The following AFP variants were observed in gnomAD, a reference collection of about 807,000 sequenced individuals.
The protein encoded by AFP is alpha-fetoprotein.
AFP carries 64 observed loss-of-function variants against 78.9 expected under a neutral mutation model. That is an observed-to-expected ratio of 0.81 (90% CI 0.66 to 1.00). The LOEUF is 1.00. Ranked by LOEUF, AFP falls within the 50% of genes least tolerant of loss-of-function variation. The probability of loss-of-function intolerance (pLI) is 0.00; values close to 1 mark genes in which losing one functional copy is unlikely to be tolerated. For missense variants in AFP, 689 were observed against 703.8 expected, an observed-to-expected ratio of 0.98 and a Z score of 0.24; for synonymous variants, 254 against 243.8, an observed-to-expected ratio of 1.04 and a Z score of -0.39.
At chr4:73,439,867 A>G (rs1410904435) in intron 3 of AFP, among the ~76,000 whole-genome samples, 1 of 151,946 alleles carries the variant, frequency 6.6e-6, no homozygotes, top group African/African-American at 2.4e-5. Context: ...GCAGTTTTTT[A>G]TTGTCTTGTA....
intron 13 of AFP, among the ~76,000 whole-genome samples, chr4:73,455,005 A>G (rs1720115051): frequency 6.6e-6 from 1 of 152,190 alleles, no homozygotes; most frequent in African/African-American, 2.4e-5. Context: ...AAAGATTGAG[A>G]ATACGCATTG....
At position 73,449,335 on chromosome 4, in the gene AFP, T is replaced by C. The variant is rs778640868; in HGVS notation, c.1059T>C (p.Ser353=). Reference sequence around the variant, plus strand: ...AAATATTTTTCTCCACATATTTCAGTTTTGTTCATGAATATTCAAGAAGAC... The same window carrying C: ...AAATATTTTTCTCCACATATTTCAGCTTTGTTCATGAATATTCAAGAAGAC... ...SSGEKNIFLA[S]FVHEYSRRHP... The change falls in exon 9 of 15, where the codon AGT becomes AGC. Residue 353 remains serine, a splice_region_variant and synonymous_variant. Transcript: ENST00000395792. The C allele has an allele frequency of 3.1e-6, 5 of 1,612,702 alleles. No homozygotes were observed. Among genetic ancestry groups the C allele is most frequent in the Non-Finnish European group, 3.4e-6 (4 of 1,179,192 alleles).
At chr4:73,445,403 T>C (rs1468734995) in intron 7 of AFP, among the ~76,000 whole-genome samples, 1 of 152,228 alleles carries the variant, frequency 6.6e-6, no homozygotes, top group Non-Finnish European at 1.5e-5. Flanking sequence ...CCATAGTTAC[T>C]TGGAGGACGG....
At chr4:73,436,416 A>G in intron 1 of AFP, 69 bp downstream of exon 1, 1 of 909,536 alleles carries the variant, frequency 1.1e-6, no homozygotes, top group Non-Finnish European at 1.7e-6. Context: ...AATTTGCATT[A>G]ATTTGTCTTG....
chr4:73,447,320 T>C (rs527414717), intron 7 of AFP, 142 bp from the exon 8 acceptor site: 2 of 489,644 alleles, frequency 4.1e-6, no homozygotes, highest in Admixed American at 3.6e-5. Flanking sequence ...CCCTTTCCCC[T>C]TCCTTCTTTC....
rs202199587 is a variant in AFP, at chr4:73,436,347, G to C, written c.85G>C (p.Ala29Pro). The change falls in exon 1 of 15, where the codon GCT becomes CCT. Residue 29 changes from alanine to proline, a missense_variant and splice_region_variant. Ala to Pro is a conservative substitution (Grantham distance 27, BLOSUM62 -1). Transcript: ENST00000395792. ...ACTGCATAGAAATGAATATGGAATA[G>C]GTGAGATATTTTGTGTTTTTCTTGT... ...RTLHRNEYGI[A>P]SILDSYQCTA... 2.0e-5 allele frequency: 31 copies of C among 1,553,254 alleles called. No individual in the cohort carries two copies. The highest frequency in any genetic ancestry group is 2.6e-5 in the Non-Finnish European group (30 of 1,137,890).
intron 10 of AFP, chr4:73,450,404 T>C (rs1234732442): frequency 1.4e-6 from 1 of 705,534 alleles, no homozygotes; most frequent in African/African-American, 1.8e-5. Context: ...GAGTTTGCTT[T>C]TTCATTGTGA....
At chr4:73,454,944 T>TA (rs1487553492) in intron 13 of AFP, among the ~76,000 whole-genome samples, 2 of 152,198 alleles carry the variant, frequency 1.3e-5, no homozygotes, top group East Asian at 3.8e-4. Context: ...AGCAGTGCTT[T>TA]ATCTGCAAAC....
chr4:73,437,179 C>T lies in AFP; in HGVS notation c.105C>T (p.Tyr35=), dbSNP rs753626670. ...EYGIASILDS[Y]QCTAEISLAD... is the part of the protein sequence containing the mutation. ...TTCCAGCTTCCATATTGGATTCTTA[C>T]CAATGTACTGCAGAGATAAGTTTAG... The change falls in exon 2 of 15, where the codon TAC becomes TAT. Residue 35 remains tyrosine, a synonymous_variant. Transcript: ENST00000395792. 6.2e-7 allele frequency: 1 copy of T among 1,611,384 alleles called. No individual in the cohort carries two copies. The highest frequency in any genetic ancestry group is 1.1e-5 in the South Asian group (1 of 90,994).
chr4:73,442,215 A>G, intron 4 of AFP, 81 bp from the exon 5 acceptor site: 1 of 1,336,968 alleles, frequency 7.5e-7, no homozygotes, highest in South Asian at 1.2e-5. Flanking sequence ...ATCTTTAAAT[A>G]AATCCCAGTG....
intron 8 of AFP, among the ~76,000 whole-genome samples, chr4:73,449,101 C>T (rs1320821344): frequency 6.6e-6 from 1 of 152,050 alleles, no homozygotes; most frequent in East Asian, 1.9e-4. Context: ...ATTGAAAAGT[C>T]AAATTGAGAG....
chr4:73,451,976 T>C (rs140895645), intron 11 of AFP, among the ~76,000 whole-genome samples: 111 of 152,376 alleles, frequency 7.3e-4, no homozygotes, highest in Non-Finnish European at 1.3e-3. Flanking sequence ...TACATGTGTA[T>C]ATGTATGTGA....
intron 7 of AFP, among the ~76,000 whole-genome samples, chr4:73,445,508 C>T (rs1719794691): frequency 6.6e-6 from 1 of 152,154 alleles, no homozygotes; most frequent in South Asian, 2.1e-4. Flanking sequence ...CTGCTAGCCA[C>T]TATGACAGAC....
chr4:73,440,165 A>C (rs1719618030), intron 3 of AFP, among the ~76,000 whole-genome samples: 1 of 152,104 alleles, frequency 6.6e-6, no homozygotes, highest in Admixed American at 6.6e-5. Context: ...TTGCCTGGGT[A>C]TTAAGCCCAG....
chr4:73,449,609 A>G, intron 9 of AFP, 142 bp downstream of exon 9: 1 of 1,011,640 alleles, frequency 9.9e-7, no homozygotes, highest in Non-Finnish European at 1.5e-6. Flanking sequence ...AGCTGTTATT[A>G]ACTAGCAGTC....
Position 73,452,465 on chromosome 4 carries a change from G to A in AFP, c.1493G>A (p.Gly498Asp). Reference protein sequence around the residue: ...HEMTPVNPGVGQCCTSSYANR... With the variant: ...HEMTPVNPGVDQCCTSSYANR... ...ATGACTCCAGTAAACCCTGGTGTTG[G>A]CCAGTGCTGCACTTCTTCATATGCC... Residue 498 changes from glycine to aspartate, a missense_variant, in exon 12 of 15, where the codon GGC (glycine) becomes GAC (aspartate). Gly to Asp is a moderately conservative substitution (Grantham distance 94). Coordinates refer to ENST00000395792, the MANE Select transcript of AFP (RefSeq NM_001134.3). 1.2e-6 allele frequency: 2 copies of A among 1,614,106 alleles called. No homozygotes were observed. The highest frequency in any genetic ancestry group is 1.7e-6 in the Non-Finnish European group (2 of 1,180,000).
At chr4:73,438,554 T>C (rs536796833) in intron 3 of AFP, among the ~76,000 whole-genome samples, 5 of 152,106 alleles carry the variant, frequency 3.3e-5, no homozygotes, top group Non-Finnish European at 5.9e-5. Flanking sequence ...TTGATGACTA[T>C]GGGCATATTA....
intron 9 of AFP, 77 bp from the exon 10 acceptor site, chr4:73,449,959 A>C: frequency 1.1e-6 from 1 of 896,424 alleles, no homozygotes; most frequent in Non-Finnish European, 1.8e-6. Flanking sequence ...AATAGTATAT[A>C]ATATTGATCA....
chr4:73,440,897 T>C (rs916599328), intron 4 of AFP, 84 bp downstream of exon 4: 3 of 1,254,118 alleles, frequency 2.4e-6, no homozygotes, highest in Non-Finnish European at 3.4e-6. Flanking sequence ...AATGTACTCA[T>C]GTACTCCCAG....
Sources: gnomAD v4.1 joint callset for allele counts (sites outside exome capture counted in the v4.1 genomes callset) on GRCh38, gnomAD v4.1.1 for gene constraint, MANE v1.5 for transcripts, NCBI Gene and HGNC (gene_info 2026-07-23, HGNC 2026-07-21) for gene names.